Variants in RAP1GDS1 observed in about 807,000 individuals in gnomAD.
RAP1GDS1 encodes RAP1, GTP-GDP dissociation stimulator 1.
A neutral mutation model predicts 71.1 loss-of-function variants in RAP1GDS1; 35 were observed. The ratio of observed to expected loss-of-function variants is 0.49; its 90% CI spans 0.38 to 0.65. The LOEUF is 0.65. RAP1GDS1 is among the 30% of genes least tolerant of loss of function. The pLI is 0.00. For synonymous variants in RAP1GDS1, 229 were observed against 243.1 expected (o/e 0.94, Z 0.54); for missense variants, 663 against 706.1 (o/e 0.94, Z 0.69).
At chr4:98,356,682 A>G (rs1459933440) in intron 4 of RAP1GDS1, among the ~76,000 whole-genome samples, 2 of 152,102 alleles carry the variant, frequency 1.3e-5, no homozygotes, top group African/African-American at 4.8e-5. Context: ...TATGCTTATT[A>G]TATAACTGGT....
intron 3 of RAP1GDS1, among the ~76,000 whole-genome samples, chr4:98,347,116 AAG>A (rs1016209824): frequency 3.9e-5 from 6 of 152,258 alleles, no homozygotes; most frequent in African/African-American, 7.2e-5. Context: ...TTTGGTTTAA[AAG>A]AGAGTTTTAA....
intron 4 of RAP1GDS1, among the ~76,000 whole-genome samples, chr4:98,363,705 A>T (rs1161821036): frequency 1.3e-5 from 2 of 152,064 alleles, no homozygotes; most frequent in Non-Finnish European, 2.9e-5. Flanking sequence ...ACATGATCTG[A>T]TTTGGATTCT....
chr4:98,330,167 G>A (rs1256471593), intron 2 of RAP1GDS1, among the ~76,000 whole-genome samples: 1 of 152,148 alleles, frequency 6.6e-6, no homozygotes, highest in Non-Finnish European at 1.5e-5. Flanking sequence ...GCATCCCAAG[G>A]CAGAAGAATT....
intron 12 of RAP1GDS1, among the ~76,000 whole-genome samples, chr4:98,429,025 G>A (rs766482695): frequency 1.3e-5 from 2 of 152,008 alleles, no homozygotes; most frequent in East Asian, 1.9e-4. Context: ...ATGGGAGGAC[G>A]AGGCAGGCAG....
rs571507522 is a variant in RAP1GDS1 at position 98,308,215 on chromosome 4, G to A, written c.112+14700G>A. Among the ~76,000 whole-genome samples the A allele has an allele frequency of 4.5e-3, 626 of 137,858 alleles. 6 individuals carry two copies. The highest frequency in any genetic ancestry group is 7.6e-3 in the Non-Finnish European group (486 of 63,608). 90.4% of individuals were successfully genotyped at this position (137,858 alleles called of 152,430 possible). ...GTGTGTATATGTGTGCGTGTATATA[G>A]GTATATACATATATGTGCATATATG... is the stretch of plus-strand genomic sequence containing the variant. On this transcript the variant is annotated intron_variant, in intron 2 of 14. Coordinates refer to ENST00000408927, the MANE Select transcript of RAP1GDS1 (RefSeq NM_001100427.2).
At chr4:98,394,730 T>TA (rs1338133185) in intron 6 of RAP1GDS1, among the ~76,000 whole-genome samples, 2 of 152,140 alleles carry the variant, frequency 1.3e-5, no homozygotes, top group Non-Finnish European at 2.9e-5. Flanking sequence ...ACAAATAACT[T>TA]ACATATTTGA....
At chr4:98,360,291 G>A (rs971012173) in intron 4 of RAP1GDS1, among the ~76,000 whole-genome samples, 5 of 152,068 alleles carry the variant, frequency 3.3e-5, no homozygotes, top group Non-Finnish European at 5.9e-5. Flanking sequence ...ATTGCACGTG[G>A]CAAAAATATT....
chr4:98,348,725 G>A (rs767921323), intron 3 of RAP1GDS1, among the ~76,000 whole-genome samples: 45 of 152,192 alleles, frequency 3.0e-4, no homozygotes, highest in Non-Finnish European at 4.0e-4. Context: ...CAGTGATGAT[G>A]AGCATTTTTT....
At chr4:98,262,044 G>C (rs774637580) in intron 1 of RAP1GDS1, among the ~76,000 whole-genome samples, 1 of 152,346 alleles carries the variant, frequency 6.6e-6, no homozygotes, top group Non-Finnish European at 1.5e-5. Flanking sequence ...TCCTCATCCC[G>C]GGCGGGGAAG....
At chr4:98,371,885 A>G (rs1360055571) in intron 4 of RAP1GDS1, among the ~76,000 whole-genome samples, 1 of 152,162 alleles carries the variant, frequency 6.6e-6, no homozygotes. Flanking sequence ...AAGTGGGTTA[A>G]TTATAGACAG....
intron 3 of RAP1GDS1, among the ~76,000 whole-genome samples, chr4:98,349,877 A>T (rs1420937055): frequency 1.3e-5 from 2 of 151,970 alleles, no homozygotes; most frequent in African/African-American, 4.8e-5. Flanking sequence ...TGATAACTTT[A>T]TGTCTTTAAA....
intron 4 of RAP1GDS1, among the ~76,000 whole-genome samples, chr4:98,365,876 T>C (rs1739415179): frequency 6.6e-6 from 1 of 152,162 alleles, no homozygotes; most frequent in Non-Finnish European, 1.5e-5. Context: ...AAAACGGGGA[T>C]GAAAGTGGCA....
At chr4:98,299,896 G>A (rs1330937066) in intron 2 of RAP1GDS1, among the ~76,000 whole-genome samples, 17 of 152,096 alleles carry the variant, frequency 1.1e-4, no homozygotes. Flanking sequence ...TAAGATTACA[G>A]ACATGAGCCA....
chr4:98,271,829 ACT>A (rs1723503891), intron 1 of RAP1GDS1, among the ~76,000 whole-genome samples: 1 of 152,212 alleles, frequency 6.6e-6, no homozygotes, highest in African/African-American at 2.4e-5. Flanking sequence ...AGTAGGTGAC[ACT>A]GTCTCCATTT....
intron 4 of RAP1GDS1, among the ~76,000 whole-genome samples, chr4:98,375,234 A>C (rs1040473220): frequency 6.6e-6 from 1 of 152,058 alleles, no homozygotes; most frequent in Non-Finnish European, 1.5e-5. Context: ...GCATAATTCT[A>C]ATCCCTGCCT....
chr4:98,421,206 CTGAT>C, intron 11 of RAP1GDS1, 45 bp from the exon 12 acceptor site: 1 of 1,503,092 alleles, frequency 6.7e-7, no homozygotes, highest in Non-Finnish European at 9.0e-7. Context: ...ATTATTTCAA[CTGAT>C]TGTCTGTTAG....
rs528181618 is a variant in RAP1GDS1, at chr4:98,295,124, A to G, written c.112+1609A>G. Among the ~76,000 whole-genome samples, 4 of 152,206 alleles carry G rather than the reference A, an allele frequency of 2.6e-5. No individual in the cohort carries two copies. In the East Asian group the frequency reaches 7.7e-4, roughly 29 times the overall value. ...GAAGAAAAAAGGGAGTAAAAAGTGT[A>G]TAGCTTTTAAAAGAACAGATTTAAG... On this transcript the variant is annotated intron_variant, in intron 2 of 14. Coordinates refer to ENST00000408927, the MANE Select transcript of RAP1GDS1 (RefSeq NM_001100427.2).
intron 1 of RAP1GDS1, among the ~76,000 whole-genome samples, chr4:98,275,708 T>G (rs754665071): frequency 1.3e-5 from 2 of 152,044 alleles, no homozygotes; most frequent in East Asian, 3.9e-4. Context: ...CCACAAGACT[T>G]TTTCTCTCTA....
chr4:98,274,386 A>G (rs540599185), intron 1 of RAP1GDS1, among the ~76,000 whole-genome samples: 1 of 152,318 alleles, frequency 6.6e-6, no homozygotes, highest in South Asian at 2.1e-4. Flanking sequence ...GTGAGAATAA[A>G]TGAAGTTCAC....
Sources: allele counts gnomAD v4.1 joint callset (sites outside exome capture counted in the v4.1 genomes callset), GRCh38; gene constraint gnomAD v4.1.1; transcripts MANE v1.5; gene names NCBI Gene and HGNC (gene_info 2026-07-23, HGNC 2026-07-21).